Variants in UBL4A observed in about 807,000 individuals in gnomAD.
UBL4A encodes ubiquitin-like protein 4A.
Under a neutral mutation model 11.4 loss-of-function variants are expected in UBL4A, and 4 were observed. The ratio of observed to expected loss-of-function variants is 0.35; its 90% CI spans 0.17 to 0.81. The LOEUF (loss-of-function observed/expected upper bound fraction) is 0.81. Ranked by LOEUF, UBL4A falls within the 30% of genes least tolerant of loss-of-function variation. The pLI is 0.52. For synonymous variants in UBL4A, 72 were observed against 61.2 expected (o/e 1.18, Z -0.83); for missense variants, 112 against 124.9 (o/e 0.90, Z 0.49).
Position 154,485,233 on chromosome X carries a change from T to C in UBL4A, c.*306A>G. On this transcript the variant is annotated 3_prime_UTR_variant, in exon 4 of 4. Coordinates refer to ENST00000369660, the MANE Select transcript of UBL4A (RefSeq NM_014235.5). ...GGGTATATTCTCAGTGGGCTAAACA[T>C]GACATGCGAGAGCCCAGCTCTCCAA... 2.2e-6 allele frequency: 1 copy of C among 463,878 alleles called. No homozygotes were observed. The highest frequency in any genetic ancestry group is 3.9e-6 in the Non-Finnish European group (1 of 258,601). 38.2% of individuals were successfully genotyped at this position (463,878 alleles called of 1,213,427 possible). A position where few individuals can be genotyped will look rare whatever the true frequency, so the allele number is the denominator to read the frequency against.
At chrX:154,485,723 C>A (rs781905461) in intron 3 of UBL4A, 48 bp downstream of exon 3, 1 of 1,190,862 alleles carries the variant, frequency 8.4e-7, no homozygotes, top group Non-Finnish European at 1.1e-6. Context: ...GAGGTAGGGG[C>A]TGGGAGCAAC....
At position 154,483,848 on chromosome X, in the gene UBL4A, C is replaced by T. The variant is rs1291713010; in HGVS notation, c.*1691G>A. 1.8e-5 allele frequency: 2 copies of T among 112,501 alleles called. No individual in the cohort carries two copies. Among genetic ancestry groups the T allele is most frequent in the Non-Finnish European group, 3.8e-5 (2 of 53,235 alleles). The allele number at this position is 112,501 out of a possible 1,213,427, so 9.3% of individuals were successfully genotyped here. A position where few individuals can be genotyped will look rare whatever the true frequency, so the allele number is the denominator to read the frequency against. On this transcript the variant is annotated 3_prime_UTR_variant, in exon 4 of 4. Transcript: ENST00000369660. ...CTGCAGGCAGCCATCTTTTCATCCT[C>T]GGAGGTGGTGGCCTGGGATGTAGCA...
Position 154,483,758 on chromosome X carries a change from G to A in UBL4A, c.*1781C>T, listed in dbSNP as rs1337896060. 1 of 112,318 alleles carries A rather than the reference G, an allele frequency of 8.9e-6. No individual in the cohort carries two copies. The highest frequency in any genetic ancestry group is 1.9e-5 in the Non-Finnish European group (1 of 53,178). 9.3% of individuals were successfully genotyped at this position (112,318 alleles called of 1,213,427 possible). ...GAGTGTTTATTTGCTGGGGGCATCTGAGACAGCAGAGGTGGTACACAGAGA... is the reference window on the plus strand; with the variant it reads ...GAGTGTTTATTTGCTGGGGGCATCTAAGACAGCAGAGGTGGTACACAGAGA... On this transcript the variant is annotated 3_prime_UTR_variant, in exon 4 of 4. Transcript: ENST00000369660.
In UBL4A at chrX:154,485,517, A is replaced by AC; in HGVS notation, c.*21dup. On this transcript the variant is annotated 3_prime_UTR_variant, in exon 4 of 4. Transcript: ENST00000369660. ...ATGCAGCGGTAGCCTGGCGTTGGGC[A>AC]CCTCCCCATGCTCCGAGAATTCTAT... The AC allele has an allele frequency of 8.4e-7, 1 of 1,192,893 alleles. No individual in the cohort carries two copies. The highest frequency in any genetic ancestry group is 1.1e-6 in the Non-Finnish European group (1 of 878,836).
rs782359606 is a variant in UBL4A, at chrX:154,485,887, C to G, written c.247G>C (p.Glu83Gln). The change falls in exon 3 of 4, where the codon GAG becomes CAG. Residue 83 changes from glutamate (E) to glutamine (Q), a missense_variant. Transcript: ENST00000369660. The part of the protein sequence containing the change: ...PLEKVLLEEG[E>Q]AQRLADSPPP... Reference sequence around the variant, plus strand: ...GGGGAGTCGGCCAGCCTCTGGGCCTCGCCTTCTTCTAGTAGCACCTTCTCC... The same window carrying G: ...GGGGAGTCGGCCAGCCTCTGGGCCTGGCCTTCTTCTAGTAGCACCTTCTCC... 1.2e-5 allele frequency: 15 copies of G among 1,209,764 alleles called. No individual in the cohort carries two copies. Among genetic ancestry groups the G allele is most frequent in the Non-Finnish European group, 1.2e-5 (11 of 894,949 alleles).
Position 154,484,966 on chromosome X carries a change from C to T in UBL4A, c.*573G>A, listed in dbSNP as rs1437025186. ...GTCCATGGCTGGGGACCAAGTGGCA[C>T]TGAGACTCGCCCAAAGTCACATCAC... On this transcript the variant is annotated 3_prime_UTR_variant, in exon 4 of 4. Transcript: ENST00000369660. 4 of 187,358 alleles carry T rather than the reference C, an allele frequency of 2.1e-5. No individual in the cohort carries two copies. Among genetic ancestry groups the T allele is most frequent in the South Asian group, 2.0e-4 (2 of 10,141 alleles). 15.4% of individuals were successfully genotyped at this position (187,358 alleles called of 1,213,427 possible).
chrX:154,485,692 G>T lies in UBL4A; in HGVS notation c.364-43C>A, dbSNP rs782010144. The T allele has an allele frequency of 2.6e-5, 31 of 1,182,147 alleles. No individual in the cohort carries two copies. In the Admixed American group the frequency reaches 2.7e-4, roughly 10 times the overall value. On this transcript the variant is annotated intron_variant, in intron 3 of 3. Coordinates refer to ENST00000369660, the MANE Select transcript of UBL4A (RefSeq NM_014235.5). ...GGAAGATTCAGGGGCTGCCAGTGGT[G>T]GGGGGGCATACACTGCAACAGAGGT...
At chrX:154,486,386 C>A in intron 1 of UBL4A, 53 bp from the exon 2 acceptor site, 1 of 1,062,648 alleles carries the variant, frequency 9.4e-7, no homozygotes, top group South Asian at 2.3e-5. Flanking sequence ...CCCCAGACGG[C>A]GAAGCCCACG....
At position 154,486,225 on chromosome X, in the gene UBL4A, T is replaced by A; in HGVS notation, c.154+3A>T. On this transcript the variant is annotated splice_donor_region_variant and intron_variant, in intron 2 of 3. Transcript: ENST00000369660. ...TCCCCGGGCGTCTCCTCTCCCTGGG[T>A]ACCTGCCAGGGCCTTGCCCTTGAAC... 8.7e-7 allele frequency: 1 copy of A among 1,151,306 alleles called. No homozygotes were observed. Among genetic ancestry groups the A allele is most frequent in the Non-Finnish European group, 1.2e-6 (1 of 865,146 alleles). The allele number at this position is 1,151,306 out of a possible 1,213,427, so 94.9% of individuals were successfully genotyped here.
At chrX:154,486,123 G>T in intron 2 of UBL4A, 105 bp downstream of exon 2, 1 of 1,034,717 alleles carries the variant, frequency 9.7e-7, no homozygotes, top group Non-Finnish European at 1.3e-6. Flanking sequence ...GTCATGTGGC[G>T]CTTGGCGCCC....
chrX:154,484,360 G>T lies in UBL4A; in HGVS notation c.*1179C>A, dbSNP rs2069281628. ...CAAGGCCCAGGCAGGAGGGCCTCCA[G>T]CACGCGCAGCCCTGACCACACTGTG... is the stretch of plus-strand genomic sequence containing the variant. On this transcript the variant is annotated 3_prime_UTR_variant, in exon 4 of 4. Coordinates refer to ENST00000369660, the MANE Select transcript of UBL4A (RefSeq NM_014235.5). The T allele has an allele frequency of 8.8e-6, 1 of 113,060 alleles. No individual in the cohort carries two copies. The highest frequency in any genetic ancestry group is 9.3e-5 in the Admixed American group (1 of 10,747). 9.3% of individuals were successfully genotyped at this position (113,060 alleles called of 1,213,427 possible). A position where few individuals can be genotyped will look rare whatever the true frequency, so the allele number is the denominator to read the frequency against.
intron 2 of UBL4A, 124 bp downstream of exon 2, chrX:154,486,104 T>G (rs2069296617): frequency 9.9e-7 from 1 of 1,012,819 alleles, no homozygotes; most frequent in East Asian, 3.5e-5. Flanking sequence ...TGCGGCCGCC[T>G]CCCTTGGGGT....
Position 154,485,329 on chromosome X carries a change from T to C in UBL4A, c.*210A>G, listed in dbSNP as rs1302290590. On this transcript the variant is annotated 3_prime_UTR_variant, in exon 4 of 4. Coordinates refer to ENST00000369660, the MANE Select transcript of UBL4A (RefSeq NM_014235.5). Reference sequence around the variant, plus strand: ...TGGATTCCGACTGGGGCTGTGCCACTTCATCGCCGGTGCCTCTGCTGTGCC... The same window carrying C: ...TGGATTCCGACTGGGGCTGTGCCACCTCATCGCCGGTGCCTCTGCTGTGCC... 1.3e-5 allele frequency: 7 copies of C among 523,928 alleles called. No individual in the cohort carries two copies. The highest frequency in any genetic ancestry group is 2.4e-5 in the Non-Finnish European group (7 of 287,612). The allele number at this position is 523,928 out of a possible 1,213,427, so 43.2% of individuals were successfully genotyped here. A position where few individuals can be genotyped will look rare whatever the true frequency, so the allele number is the denominator to read the frequency against.
chrX:154,486,519 C>A lies in UBL4A; in HGVS notation c.48+18G>T. 1 of 1,033,418 alleles carries A rather than the reference C, an allele frequency of 9.7e-7. No individual in the cohort carries two copies. The highest frequency in any genetic ancestry group is 1.2e-6 in the Non-Finnish European group (1 of 808,665). The allele number at this position is 1,033,418 out of a possible 1,213,427, so 85.2% of individuals were successfully genotyped here. ...GAGAGAGCGCGCCGGACCCGGCGGC[C>A]CGGCCCGGGGACCCTACCTGCAGGC... On this transcript the variant is annotated intron_variant, in intron 1 of 3. Coordinates refer to ENST00000369660, the MANE Select transcript of UBL4A (RefSeq NM_014235.5).
At chrX:154,486,141 G>A in intron 2 of UBL4A, 87 bp downstream of exon 2, 1 of 1,061,383 alleles carries the variant, frequency 9.4e-7, no homozygotes, top group African/African-American at 1.9e-5. Context: ...CCCGCACCCC[G>A]ACCCGACACA....
chrX:154,485,338 G>C lies in UBL4A; in HGVS notation c.*201C>G. 5.7e-6 allele frequency: 3 copies of C among 528,904 alleles called. No homozygotes were observed. The highest frequency in any genetic ancestry group is 1.0e-5 in the Non-Finnish European group (3 of 290,064). The allele number at this position is 528,904 out of a possible 1,213,427, so 43.6% of individuals were successfully genotyped here. On this transcript the variant is annotated 3_prime_UTR_variant, in exon 4 of 4. Transcript: ENST00000369660. ...ACTGGGGCTGTGCCACTTCATCGCC[G>C]GTGCCTCTGCTGTGCCGGCTCTCCT...
Position 154,485,272 on chromosome X carries a change from CCTT to C in UBL4A, c.*264_*266del, listed in dbSNP as rs1484031238. 2.1e-5 allele frequency: 10 copies of C among 484,815 alleles called. No individual in the cohort carries two copies. Among genetic ancestry groups the C allele is most frequent in the African/African-American group, 1.9e-4 (8 of 41,932 alleles). 40.0% of individuals were successfully genotyped at this position (484,815 alleles called of 1,213,427 possible). On this transcript the variant is annotated 3_prime_UTR_variant, in exon 4 of 4. Coordinates refer to ENST00000369660, the MANE Select transcript of UBL4A (RefSeq NM_014235.5). ...CCAGCTCTCCAAGCGGCCCCTTCCTCCTTCTCACACCAAGGCACTTTCAGAAGC... is the reference window on the plus strand; with the variant it reads ...CCAGCTCTCCAAGCGGCCCCTTCCTCCTCACACCAAGGCACTTTCAGAAGC...
intron 1 of UBL4A, 42 bp from the exon 2 acceptor site, chrX:154,486,375 C>T (rs1377447108): frequency 3.7e-6 from 4 of 1,079,167 alleles, no homozygotes; most frequent in South Asian, 2.2e-5. Flanking sequence ...GAGCCCGCGG[C>T]CCCCAGACGG....
chrX:154,486,378 C>T (rs1557212930), intron 1 of UBL4A, 45 bp from the exon 2 acceptor site: 6 of 1,085,105 alleles, frequency 5.5e-6, no homozygotes, highest in Admixed American at 6.4e-5. Context: ...CCCGCGGCCC[C>T]CAGACGGCGA....
Sources: gnomAD v4.1 joint callset for allele counts on GRCh38, gnomAD v4.1.1 for gene constraint, MANE v1.5 for transcripts, NCBI Gene and HGNC (gene_info 2026-07-23, HGNC 2026-07-21) for gene names.